The following GRB2 variants were observed in gnomAD, a reference collection of about 807,000 sequenced individuals.
GRB2 encodes growth factor receptor bound protein 2, also known as growth factor receptor-bound protein 2.
Under a neutral mutation model 27.4 loss-of-function variants are expected in GRB2, and 2 were observed. The observed-to-expected ratio is 0.07, with a 90% CI of 0.03 to 0.23. The LOEUF (loss-of-function observed/expected upper bound fraction) is 0.23, where lower values mean the gene tolerates loss of function less well. GRB2 is among the 10% of genes least tolerant of loss of function. GRB2 has a pLI of 1.00. For synonymous variants in GRB2, 94 were observed against 99.6 expected (o/e 0.94, Z 0.33); for missense variants, 102 against 282.4 (o/e 0.36, Z 4.58).
intron 2 of GRB2, among the ~76,000 whole-genome samples, chr17:75,367,346 A>C (rs750324279): frequency 3.3e-5 from 5 of 151,978 alleles, no homozygotes; most frequent in Non-Finnish European, 5.9e-5. Flanking sequence ...AATTTTTTAA[A>C]AAAACTTTTT....
At chr17:75,330,848 C>T (rs1598219939) in intron 3 of GRB2, among the ~76,000 whole-genome samples, 1 of 152,254 alleles carries the variant, frequency 6.6e-6, no homozygotes, top group Non-Finnish European at 1.5e-5. Context: ...GTGAAAAGCA[C>T]ATATTTGGAT....
chr17:75,377,496 T>C (rs2078901607), intron 2 of GRB2, among the ~76,000 whole-genome samples: 1 of 149,792 alleles, frequency 6.7e-6, no homozygotes, highest in South Asian at 2.1e-4. Flanking sequence ...GGTGCTCACC[T>C]GCTGTCCCAG....
intron 2 of GRB2, among the ~76,000 whole-genome samples, chr17:75,346,578 CTTTTTTT>C (rs775027742): frequency 4.4e-5 from 3 of 68,724 alleles, no homozygotes; most frequent in East Asian, 4.7e-4. Context: ...CTTTTCTTGC[CTTTTTTT>C]TTTTTTTTTT....
At chr17:75,355,099 C>T (rs144734450) in intron 2 of GRB2, among the ~76,000 whole-genome samples, 34 of 152,308 alleles carry the variant, frequency 2.2e-4, no homozygotes, top group Admixed American at 3.3e-4. Context: ...TGAGCCACCG[C>T]GCCTGGCCAG....
chr17:75,378,917 A>G (rs1463920479), intron 2 of GRB2, among the ~76,000 whole-genome samples: 1 of 152,200 alleles, frequency 6.6e-6, no homozygotes, highest in African/African-American at 2.4e-5. Context: ...TCGGTTCACA[A>G]TCTATTCTGA....
At chr17:75,382,312 T>G (rs2078934310) in intron 2 of GRB2, among the ~76,000 whole-genome samples, 1 of 152,160 alleles carries the variant, frequency 6.6e-6, no homozygotes, top group Non-Finnish European at 1.5e-5. Flanking sequence ...AATAAATTAG[T>G]TGAAAATAAA....
intron 2 of GRB2, among the ~76,000 whole-genome samples, chr17:75,342,548 G>A (rs2078628273): frequency 1.3e-5 from 2 of 152,002 alleles, no homozygotes; most frequent in Non-Finnish European, 2.9e-5. Context: ...GGGAATACAG[G>A]CATGAGCCAC....
chr17:75,321,624 TA>T (rs753805243), intron 5 of GRB2, 34 bp downstream of exon 5: 1 of 1,604,066 alleles, frequency 6.2e-7, no homozygotes, highest in Non-Finnish European at 8.5e-7. Flanking sequence ...TATTCTTAAC[TA>T]AAAATGATCC....
chr17:75,373,603 T>A (rs2078870170), intron 2 of GRB2: 1 of 152,124 alleles, frequency 6.6e-6, no homozygotes, highest in African/African-American at 2.4e-5. Flanking sequence ...GAGAAAACTT[T>A]TCAACACTCA....
chr17:75,374,138 G>A (rs142751713), intron 2 of GRB2, among the ~76,000 whole-genome samples: 194 of 151,872 alleles, frequency 1.3e-3, no homozygotes, highest in Middle Eastern at 6.8e-3. Context: ...AGGCGCAGAG[G>A]CTCATGCTTG....
chr17:75,354,480 C>T (rs780025812), intron 2 of GRB2, among the ~76,000 whole-genome samples: 5 of 152,090 alleles, frequency 3.3e-5, no homozygotes, highest in South Asian at 2.1e-4. Flanking sequence ...CAGTGCTTCT[C>T]GTAGGAACAC....
intron 2 of GRB2, among the ~76,000 whole-genome samples, chr17:75,393,045 A>G (rs4788889): frequency 0.67 from 101,543 of 152,122 alleles, 39,011 homozygotes; most frequent in East Asian, 0.96. Context: ...AATACACTGA[A>G]GTTCTTTAAT....
chr17:75,389,987 T>C (rs1416403580), intron 2 of GRB2, among the ~76,000 whole-genome samples: 3 of 152,196 alleles, frequency 2.0e-5, no homozygotes, highest in Non-Finnish European at 4.4e-5. Context: ...AGGGAGAAAG[T>C]ACATCTTATA....
intron 2 of GRB2, among the ~76,000 whole-genome samples, chr17:75,337,572 AT>A (rs5822084): frequency 0.58 from 75,216 of 130,800 alleles, 24,672 homozygotes; most frequent in East Asian, 0.82. Flanking sequence ...TACTGTTACT[AT>A]TTTTTTTTTT....
At chr17:75,340,143 G>A (rs1485639248) in intron 2 of GRB2, among the ~76,000 whole-genome samples, 6 of 152,004 alleles carry the variant, frequency 3.9e-5, no homozygotes, top group African/African-American at 1.2e-4. Context: ...TTCAACACGC[G>A]CTCCAATTCC....
intron 2 of GRB2, among the ~76,000 whole-genome samples, chr17:75,334,693 A>C (rs1199918945): frequency 6.6e-6 from 1 of 152,174 alleles, no homozygotes; most frequent in Admixed American, 6.6e-5. Context: ...TAATCCTGGC[A>C]GTTTGGAAGG....
In GRB2 at chr17:75,319,880, A is replaced by T. The variant is rs1382659909; in HGVS notation, c.*488T>A. On this transcript the variant is annotated 3_prime_UTR_variant, in exon 6 of 6. Coordinates refer to ENST00000316804, the MANE Select transcript of GRB2 (RefSeq NM_002086.5). ...AAGTCCCCTCCTCTGGAGGAAGCTA[A>T]ACAGCAAAGGCATCGAGCGGCCCTG... 1 of 153,926 alleles carries T rather than the reference A, an allele frequency of 6.5e-6. No homozygotes were observed. Among genetic ancestry groups the T allele is most frequent in the Admixed American group, 6.4e-5 (1 of 15,538 alleles). 9.5% of individuals were successfully genotyped at this position (153,926 alleles called of 1,614,324 possible).
At chr17:75,351,732 C>T (rs73358249) in intron 2 of GRB2, among the ~76,000 whole-genome samples, 16,201 of 152,132 alleles carry the variant, frequency 0.11, 1,604 homozygotes, top group African/African-American at 0.26. Context: ...TAATCCCTCA[C>T]CTAGAAGGAA....
intron 2 of GRB2, among the ~76,000 whole-genome samples, chr17:75,388,721 C>T (rs1025809282): frequency 5.3e-5 from 8 of 151,822 alleles, no homozygotes; most frequent in African/African-American, 1.9e-4. Flanking sequence ...GGCCTTCAGG[C>T]TTGCACGAGC....
Sources: gnomAD v4.1 joint callset for allele counts (sites outside exome capture counted in the v4.1 genomes callset) on GRCh38, gnomAD v4.1.1 for gene constraint, MANE v1.5 for transcripts, NCBI Gene and HGNC (gene_info 2026-07-23, HGNC 2026-07-21) for gene names.